Variants in ADAMTS19 observed in about 807,000 individuals in gnomAD.
ADAMTS19 encodes the protein A disintegrin and metalloproteinase with thrombospondin motifs 19.
In ADAMTS19, 93 loss-of-function variants were observed where a neutral mutation model predicts 153.3. That is an observed-to-expected ratio of 0.61 (90% confidence interval 0.51 to 0.72). The LOEUF is 0.72. ADAMTS19 is among the 30% of genes least tolerant of loss of function. The pLI is 0.00. For missense variants in ADAMTS19, 1,482 were observed against 1,552.1 expected, an observed-to-expected ratio of 0.95 and a Z score of 0.76; for synonymous variants, 600 against 556.6, an observed-to-expected ratio of 1.08 and a Z score of -1.10.
intron 7 of ADAMTS19, among the ~76,000 whole-genome samples, chr5:129,580,595 C>G (rs537638472): frequency 6.6e-6 from 1 of 152,148 alleles, no homozygotes; most frequent in African/African-American, 2.4e-5. Flanking sequence ...TTATTAATTT[C>G]AGATACGTTC....
chr5:129,641,599 A>G (rs1280178556), intron 10 of ADAMTS19, among the ~76,000 whole-genome samples: 1 of 152,100 alleles, frequency 6.6e-6, no homozygotes, highest in Non-Finnish European at 1.5e-5. Context: ...TTGTATAACC[A>G]TATGTGTTTT....
At chr5:129,476,138 C>G (rs945424142) in intron 2 of ADAMTS19, among the ~76,000 whole-genome samples, 3 of 151,132 alleles carry the variant, frequency 2.0e-5, no homozygotes, top group Non-Finnish European at 4.4e-5. Flanking sequence ...TGGTCTTTTT[C>G]ATAGCAGTAG....
intron 3 of ADAMTS19, among the ~76,000 whole-genome samples, chr5:129,512,421 C>T (rs2126730609): frequency 6.6e-6 from 1 of 152,132 alleles, no homozygotes; most frequent in Middle Eastern, 3.4e-3. Flanking sequence ...TGTTTTTATA[C>T]ATGCATTTGG....
rs182788853 is a variant in ADAMTS19, at chr5:129,699,171, C to T, written c.2955-2217C>T. 8.5e-5 allele frequency among the ~76,000 whole-genome samples: 13 copies of T among 152,190 alleles called. No homozygotes were observed. The East Asian group carries it at 2.5e-3, about 29-fold the overall frequency. ...GCACAATGGCTCATGCCTGTAATCCCAGCTCTTTAGGAGGCCAGAGCGGGT... is the reference window on the plus strand; with the variant it reads ...GCACAATGGCTCATGCCTGTAATCCTAGCTCTTTAGGAGGCCAGAGCGGGT... On this transcript the variant is annotated intron_variant, in intron 19 of 22. Transcript: ENST00000274487.
At chr5:129,534,171 A>T (rs113786040) in intron 6 of ADAMTS19, among the ~76,000 whole-genome samples, 301 of 152,168 alleles carry the variant, frequency 2.0e-3, no homozygotes, top group Middle Eastern at 3.4e-3. Context: ...TGTCTCATTG[A>T]TCTGTCTAAT....
intron 6 of ADAMTS19, among the ~76,000 whole-genome samples, chr5:129,539,018 C>T (rs980648542): frequency 6.6e-6 from 1 of 152,098 alleles, no homozygotes; most frequent in African/African-American, 2.4e-5. Flanking sequence ...AACATTGTTT[C>T]ATGCTATACA....
intron 10 of ADAMTS19, among the ~76,000 whole-genome samples, chr5:129,625,948 G>A (rs1169288449): frequency 6.6e-6 from 1 of 152,006 alleles, no homozygotes; most frequent in Non-Finnish European, 1.5e-5. Flanking sequence ...TATTACCTAG[G>A]TTTTCTTCTA....
intron 2 of ADAMTS19, among the ~76,000 whole-genome samples, chr5:129,476,252 T>C (rs1474474655): frequency 7.2e-5 from 11 of 152,180 alleles, no homozygotes; most frequent in African/African-American, 2.2e-4. Flanking sequence ...ACTAACAAGA[T>C]TTAAATTCCA....
chr5:129,677,747 T>C (rs186663797), intron 16 of ADAMTS19, among the ~76,000 whole-genome samples: 240 of 152,276 alleles, frequency 1.6e-3, no homozygotes, highest in African/African-American at 5.7e-3. Flanking sequence ...TTATCTTCCC[T>C]GTGTAAATTT....
chr5:129,527,921 T>C, intron 5 of ADAMTS19, 90 bp downstream of exon 5: 1 of 812,740 alleles, frequency 1.2e-6, no homozygotes, highest in Admixed American at 2.2e-5. Flanking sequence ...AGGATGTGCT[T>C]AAAAATCCAG....
Position 129,586,764 on chromosome 5 carries a change from C to T in ADAMTS19, c.1373-9795C>T, listed in dbSNP as rs114114014. Among the ~76,000 whole-genome samples the T allele has an allele frequency of 6.4e-3, 968 of 152,244 alleles. 14 individuals carry two copies. The highest frequency in any genetic ancestry group is 0.022 in the African/African-American group (930 of 41,546). ...AATGTGGCTGTACCATTTTGCTTTC[C>T]AATCAACAATGAATGACGGTTCCTG... On this transcript the variant is annotated intron_variant, in intron 7 of 22. Transcript: ENST00000274487.
chr5:129,526,974 A>G (rs552632979), intron 4 of ADAMTS19, among the ~76,000 whole-genome samples: 1 of 151,940 alleles, frequency 6.6e-6, no homozygotes, highest in Non-Finnish European at 1.5e-5. Context: ...ATAAAAATGA[A>G]TGTTGGTAAT....
At chr5:129,595,964 T>C (rs1402735255) in intron 7 of ADAMTS19, among the ~76,000 whole-genome samples, 1 of 151,954 alleles carries the variant, frequency 6.6e-6, no homozygotes, top group Non-Finnish European at 1.5e-5. Context: ...TATCTTAATA[T>C]TTCAGTATCA....
chr5:129,589,351 A>G (rs532044824), intron 7 of ADAMTS19, among the ~76,000 whole-genome samples: 1 of 151,792 alleles, frequency 6.6e-6, no homozygotes, highest in East Asian at 1.9e-4. Flanking sequence ...TTCCAGATTA[A>G]TGCTTATTGT....
intron 10 of ADAMTS19, among the ~76,000 whole-genome samples, chr5:129,630,816 T>C (rs1223364966): frequency 6.6e-6 from 1 of 152,034 alleles, no homozygotes; most frequent in Non-Finnish European, 1.5e-5. Flanking sequence ...GGTGAAAATA[T>C]TTATAATAGG....
At chr5:129,736,865 G>A (rs572013614) in intron 22 of ADAMTS19, among the ~76,000 whole-genome samples, 1 of 152,130 alleles carries the variant, frequency 6.6e-6, no homozygotes, top group East Asian at 1.9e-4. Flanking sequence ...ACATTTATAA[G>A]TAAAAATATT....
intron 6 of ADAMTS19, among the ~76,000 whole-genome samples, chr5:129,532,156 T>C (rs186895678): frequency 1.3e-5 from 2 of 151,472 alleles, no homozygotes; most frequent in Admixed American, 1.3e-4. Flanking sequence ...GACAATCATC[T>C]GGAATTTTTA....
intron 21 of ADAMTS19, among the ~76,000 whole-genome samples, chr5:129,728,356 C>A (rs773666718): frequency 6.6e-6 from 1 of 152,020 alleles, no homozygotes; most frequent in South Asian, 2.1e-4. Flanking sequence ...TCTTTTATTC[C>A]TTTATCTTCT....
chr5:129,699,442 A>G lies in ADAMTS19; in HGVS notation c.2955-1946A>G, dbSNP rs567818480. On this transcript the variant is annotated intron_variant, in intron 19 of 22. Coordinates refer to ENST00000274487, the MANE Select transcript of ADAMTS19 (RefSeq NM_133638.6). ...CATCTCAAAAAAAAAAAAAAAAAAG[A>G]AAGACATGTTTATCAAAACCTATTA... 4.0e-5 allele frequency among the ~76,000 whole-genome samples: 6 copies of G among 151,252 alleles called. No homozygotes were observed. The South Asian group carries it at 1.0e-3, about 26-fold the overall frequency.
Sources: gnomAD v4.1 joint callset for allele counts (sites outside exome capture counted in the v4.1 genomes callset) on GRCh38, gnomAD v4.1.1 for gene constraint, MANE v1.5 for transcripts, NCBI Gene and HGNC (gene_info 2026-07-23, HGNC 2026-07-21) for gene names.